The following SEPTIN3 variants were observed in gnomAD, a reference collection of about 807,000 sequenced individuals.
The protein encoded by SEPTIN3 is septin 3.
A neutral mutation model predicts 45.1 loss-of-function variants in SEPTIN3; 15 were observed. The ratio of observed to expected loss-of-function variants is 0.33; its 90% CI spans 0.22 to 0.51. The LOEUF (loss-of-function observed/expected upper bound fraction) is 0.51. SEPTIN3 is among the 20% of genes least tolerant of loss of function. SEPTIN3 has a pLI of 0.97. For missense variants in SEPTIN3, 289 were observed against 457.2 expected (o/e 0.63, Z 3.35); for synonymous variants, 148 against 164.8 (o/e 0.90, Z 0.78).
chr22:41,969,663 T>G lies in SEPTIN3; in HGVS notation c.-34T>G, dbSNP rs2077936778. On this transcript the variant is annotated 5_prime_UTR_variant, in exon 1 of 12. Transcript: ENST00000644076. ...CTTCCCAGACACACTGGATCCTTCT[T>G]GTCCTCTGATCAAGGTAGGTGTGTA... The G allele has an allele frequency of 6.8e-6, 1 of 146,244 alleles. No individual in the cohort carries two copies. Among genetic ancestry groups the G allele is most frequent in the Non-Finnish European group, 1.5e-5 (1 of 66,760 alleles). 9.1% of individuals were successfully genotyped at this position (146,244 alleles called of 1,614,324 possible).
In SEPTIN3 at chr22:41,996,981, C is replaced by T. The variant is rs377624563; in HGVS notation, c.*14C>T. ...ACTGCTGAATGAAGGCCATTTCAAGCGCTGCTTCTCACTCCATTCCTCTCA... is the reference window on the plus strand; with the variant it reads ...ACTGCTGAATGAAGGCCATTTCAAGTGCTGCTTCTCACTCCATTCCTCTCA... On this transcript the variant is annotated 3_prime_UTR_variant, in exon 12 of 12. Transcript: ENST00000644076. The T allele has an allele frequency of 4.0e-4, 646 of 1,613,922 alleles. 2 individuals are homozygous for T. Among genetic ancestry groups the T allele is most frequent in the Non-Finnish European group, 5.1e-4 (604 of 1,179,898 alleles).
chr22:41,988,868 A>C (rs1165231070), intron 6 of SEPTIN3, among the ~76,000 whole-genome samples: 1 of 152,152 alleles, frequency 6.6e-6, no homozygotes, highest in South Asian at 2.1e-4. Flanking sequence ...GCTCTCGCCT[A>C]TAATCCCAGC....
intron 7 of SEPTIN3, among the ~76,000 whole-genome samples, chr22:41,991,238 G>C (rs1685009985): frequency 6.6e-6 from 1 of 152,136 alleles, no homozygotes; most frequent in Admixed American, 6.5e-5. Flanking sequence ...TAACATGCAG[G>C]GGTCTGAGCA....
intron 2 of SEPTIN3, among the ~76,000 whole-genome samples, chr22:41,977,962 TC>T (rs1383469711): frequency 6.6e-6 from 1 of 152,028 alleles, no homozygotes; most frequent in Admixed American, 6.6e-5. Context: ...TGCAGGCAGA[TC>T]CCCCTTCTCC....
At chr22:41,983,910 A>G (rs892194625) in intron 3 of SEPTIN3, among the ~76,000 whole-genome samples, 9 of 152,212 alleles carry the variant, frequency 5.9e-5, no homozygotes, top group Admixed American at 5.2e-4. Flanking sequence ...TCACGATAGT[A>G]CCTCCAAATT....
intron 3 of SEPTIN3, among the ~76,000 whole-genome samples, chr22:41,985,016 C>A (rs751621946): frequency 7.2e-5 from 11 of 152,070 alleles, no homozygotes; most frequent in Admixed American, 1.3e-4. Context: ...CCACGCCGGG[C>A]TAATTTTTTG....
intron 7 of SEPTIN3, among the ~76,000 whole-genome samples, chr22:41,991,166 A>G (rs1042295959): frequency 6.6e-6 from 1 of 152,200 alleles, no homozygotes; most frequent in African/African-American, 2.4e-5. Flanking sequence ...GTCGACCTTG[A>G]AAGAGGGCAA....
At position 41,972,051 on chromosome 22, in the gene SEPTIN3, G is replaced by T. The variant is rs1286323823; in HGVS notation, c.559G>T (p.Val187Leu). 1.0e-5 allele frequency: 4 copies of T among 399,042 alleles called. No individual in the cohort carries two copies. Among genetic ancestry groups the T allele is most frequent in the Admixed American group, 4.4e-5 (1 of 22,720 alleles). The allele number at this position is 399,042 out of a possible 1,614,324, so 24.7% of individuals were successfully genotyped here. Reference sequence around the variant, plus strand: ...GATGCTTGCCACGGAGAAGCCCCTGGTGAGTTCCTACCTAGCCTTACCTTT... The same window carrying T: ...GATGCTTGCCACGGAGAAGCCCCTGTTGAGTTCCTACCTAGCCTTACCTTT... ...NRMLATEKPL[V>L]SSYLALPFQS... The change falls in exon 2 of 12, where the codon GTG becomes TTG. Residue 187 changes from valine to leucine, a missense_variant. This residue lies in a region of SEPTIN3 where 200 missense variants were observed against 315.1 expected (regional missense o/e 0.63). Coordinates refer to ENST00000644076, the MANE Select transcript of SEPTIN3 (RefSeq NM_001363845.2).
Position 41,994,267 on chromosome 22 carries a change from G to A in SEPTIN3, c.2360-23G>A. 2 of 1,612,692 alleles carry A rather than the reference G, an allele frequency of 1.2e-6. No individual in the cohort carries two copies. The highest frequency in any genetic ancestry group is 1.7e-6 in the Non-Finnish European group (2 of 1,179,648). On this transcript the variant is annotated intron_variant, in intron 9 of 11. Coordinates refer to ENST00000644076, the MANE Select transcript of SEPTIN3 (RefSeq NM_001363845.2). This position sits in a 1 kb window ranked among gnomAD's most constrained non-coding sequence, Gnocchi z 4.2. ...TATTAATGAACTGACTACCTGTTTTGCTTTGTTTTGTTTTGTTCATAGTGG... is the reference window on the plus strand; with the variant it reads ...TATTAATGAACTGACTACCTGTTTTACTTTGTTTTGTTTTGTTCATAGTGG...
intron 7 of SEPTIN3, among the ~76,000 whole-genome samples, chr22:41,989,979 A>C (rs1021886050): frequency 6.6e-6 from 1 of 151,780 alleles, no homozygotes; most frequent in Admixed American, 6.6e-5. Context: ...CACTCCTCCA[A>C]CGTTAGCCTA....
chr22:41,986,170 G>A, intron 4 of SEPTIN3, 58 bp downstream of exon 4: 2 of 1,593,518 alleles, frequency 1.3e-6, no homozygotes, highest in Non-Finnish European at 1.7e-6. Flanking sequence ...CTGCTGGAAA[G>A]GGGAAAGAAT....
chr22:41,979,757 T>G (rs5758527), intron 2 of SEPTIN3, among the ~76,000 whole-genome samples: 64,979 of 152,008 alleles, frequency 0.43, 15,117 homozygotes, highest in East Asian at 0.86. Context: ...AGTTTCCCAT[T>G]GGGAGAGAGG....
chr22:41,981,941 G>A, intron 3 of SEPTIN3, 105 bp downstream of exon 3: 1 of 989,984 alleles, frequency 1.0e-6, no homozygotes, highest in South Asian at 1.5e-5. Flanking sequence ...AAGATGAGCT[G>A]TTTGTAGAAG....
At position 41,971,515 on chromosome 22, in the gene SEPTIN3, C is replaced by T. The variant is rs1330081372; in HGVS notation, c.23C>T (p.Ala8Val). 7.5e-6 allele frequency: 3 copies of T among 399,094 alleles called. No individual in the cohort carries two copies. Among genetic ancestry groups the T allele is most frequent in the African/African-American group, 2.1e-5 (1 of 48,632 alleles). 24.7% of individuals were successfully genotyped at this position (399,094 alleles called of 1,614,324 possible). Residue 8 changes from alanine (A) to valine (V), a missense_variant, in exon 2 of 12, where the codon GCT (alanine) becomes GTT (valine). This residue lies in a region of SEPTIN3 where 200 missense variants were observed against 315.1 expected (regional missense o/e 0.63). Coordinates refer to ENST00000644076, the MANE Select transcript of SEPTIN3 (RefSeq NM_001363845.2). The part of the protein sequence containing the change: MDHNFAP[A>V]PPEMQSHGAP... ...TGGATGGACCACAACTTTGCTCCTG[C>T]TCCTCCAGAGATGCAGTCGCATGGA...
chr22:41,996,677 C>G, intron 11 of SEPTIN3: 2 of 1,402,392 alleles, frequency 1.4e-6, no homozygotes, highest in Non-Finnish European at 1.9e-6. Flanking sequence ...TTATACATTT[C>G]AACAGAACAG....
rs2078205984 is a variant in SEPTIN3 at position 41,986,244 on chromosome 22, C to A, written c.1825+132C>A. The A allele has an allele frequency of 5.7e-6, 6 of 1,047,570 alleles. No individual in the cohort carries two copies. In the South Asian group the frequency reaches 8.2e-5, roughly 14 times the overall value. 64.9% of individuals were successfully genotyped at this position (1,047,570 alleles called of 1,614,324 possible). On this transcript the variant is annotated intron_variant, in intron 4 of 11. Coordinates refer to ENST00000644076, the MANE Select transcript of SEPTIN3 (RefSeq NM_001363845.2). ...TAAGACAAAACAGACGTGAGCACTT[C>A]ACTCTGAAGCAAACTCCTTAGACTG...
rs55642127 is a variant in SEPTIN3 at position 41,974,860 on chromosome 22, GAAAAAAAAA to G, written c.1504+1884_1504+1892del. ...ACAGAGCGAGACTCTGTCTCAAAAA[GAAAAAAAAA>G]AAAAAAAAAAAAAAAAAAAGCAAGC... On this transcript the variant is annotated intron_variant, in intron 2 of 11. Transcript: ENST00000644076. Among the ~76,000 whole-genome samples the G allele has an allele frequency of 1.1e-4, 8 of 74,290 alleles. No individual in the cohort carries two copies. The South Asian group carries it at 1.4e-3, about 13-fold the overall frequency. The allele number at this position is 74,290 out of a possible 152,430, so 48.7% of individuals were successfully genotyped here. A position where few individuals can be genotyped will look rare whatever the true frequency, so the allele number is the denominator to read the frequency against.
intron 8 of SEPTIN3, 98 bp downstream of exon 8, chr22:41,991,766 TC>T (rs2078322009): frequency 8.0e-6 from 7 of 878,566 alleles, no homozygotes; most frequent in Non-Finnish European, 1.3e-5. Context: ...CTTTCTGTAC[TC>T]CCCCCAACCT....
rs563533325 is a variant in SEPTIN3, at chr22:41,995,227, A to T, written c.2505+513A>T. 1.3e-4 allele frequency: 126 copies of T among 994,534 alleles called. No individual in the cohort carries two copies. In the South Asian group the frequency reaches 5.0e-3, roughly 40 times the overall value. The allele number at this position is 994,534 out of a possible 1,614,324, so 61.6% of individuals were successfully genotyped here. ...AGCTAGACCTGAGTAGGGGGCAGGGAGTTCAGGACAACCCTCCTGTAAGTT... is the reference window on the plus strand; with the variant it reads ...AGCTAGACCTGAGTAGGGGGCAGGGTGTTCAGGACAACCCTCCTGTAAGTT... On this transcript the variant is annotated intron_variant, in intron 11 of 11. Transcript: ENST00000644076.
Sources: gnomAD v4.1 joint callset for allele counts (sites outside exome capture counted in the v4.1 genomes callset) on GRCh38, gnomAD v4.1.1 for gene constraint, gnomAD v4.1.1 regional missense constraint, Gnocchi (gnomAD v3.1) non-coding constraint, MANE v1.5 for transcripts, NCBI Gene and HGNC (gene_info 2026-07-23, HGNC 2026-07-21) for gene names.